NAV2: variants seen among roughly 807,000 people sequenced by gnomAD.
NAV2 encodes the protein helicase, APC down-regulated 1.
A neutral mutation model predicts 223.2 loss-of-function variants in NAV2; 54 were observed. That is an observed-to-expected ratio of 0.24 (90% confidence interval 0.19 to 0.30). The LOEUF (loss-of-function observed/expected upper bound fraction) is 0.30. Ranked by LOEUF, NAV2 falls within the 10% of genes least tolerant of loss-of-function variation. The probability of loss-of-function intolerance (pLI) is 1.00; values close to 1 mark genes in which losing one functional copy is unlikely to be tolerated. For synonymous variants in NAV2, 1,279 were observed against 1,239.3 expected (o/e 1.03, Z -0.67); for missense variants, 2,806 against 3,147.5 (o/e 0.89, Z 2.60).
chr11:19,804,573 T>C (rs1389561266), intron 1 of NAV2, among the ~76,000 whole-genome samples: 2 of 152,202 alleles, frequency 1.3e-5, no homozygotes, highest in East Asian at 3.8e-4. Flanking sequence ...TGAATGACAA[T>C]GACATAGTGG....
intron 26 of NAV2, among the ~76,000 whole-genome samples, chr11:20,087,603 A>G (rs2060539585): frequency 1.3e-5 from 2 of 152,198 alleles, no homozygotes. Context: ...GACTGTGGAC[A>G]AGACAGTGGA....
chr11:20,057,355 C>T (rs1191292378), intron 19 of NAV2, among the ~76,000 whole-genome samples: 1 of 151,992 alleles, frequency 6.6e-6, no homozygotes, highest in African/African-American at 2.4e-5. Context: ...TACTTTGCAC[C>T]CTGATTTATG....
At chr11:19,837,071 C>T (rs2060276594) in intron 2 of NAV2, among the ~76,000 whole-genome samples, 1 of 152,078 alleles carries the variant, frequency 6.6e-6, no homozygotes, top group African/African-American at 2.4e-5. Flanking sequence ...ACATTCAGAC[C>T]ACAGCAGCTC....
At chr11:19,591,102 T>C (rs1428368814) in intron 1 of NAV2, 10 of 152,240 alleles carry the variant, frequency 6.6e-5, no homozygotes, top group African/African-American at 2.4e-4. Context: ...TTCTTTAATA[T>C]TTTTCTAATG....
chr11:19,724,888 C>G (rs2051106918), intron 1 of NAV2, among the ~76,000 whole-genome samples: 1 of 152,186 alleles, frequency 6.6e-6, no homozygotes, highest in Non-Finnish European at 1.5e-5. Context: ...GGAATCTCAC[C>G]TTCCTAATGC....
chr11:19,532,818 G>A (rs562822892), intron 1 of NAV2, among the ~76,000 whole-genome samples: 1 of 152,338 alleles, frequency 6.6e-6, no homozygotes, highest in Admixed American at 6.5e-5. Flanking sequence ...CCACATACAA[G>A]GGGAAGATAG....
chr11:19,829,957 T>C (rs2059839095), intron 1 of NAV2, among the ~76,000 whole-genome samples: 1 of 152,208 alleles, frequency 6.6e-6, no homozygotes, highest in Non-Finnish European at 1.5e-5. Context: ...CCGGGTGCGG[T>C]GGCTCACGCC....
rs1039631463 is a variant in NAV2 at position 20,119,925 on chromosome 11, T to G, written c.*1667T>G. On this transcript the variant is annotated 3_prime_UTR_variant, in exon 38 of 38. Coordinates refer to ENST00000349880, the MANE Select transcript of NAV2 (RefSeq NM_145117.5). ...AGGAGAAGGCAAAAGTTTCTACAAGTCTACATGACCTTGCTGATACTTGTT... is the reference window on the plus strand; with the variant it reads ...AGGAGAAGGCAAAAGTTTCTACAAGGCTACATGACCTTGCTGATACTTGTT... 1.2e-4 allele frequency: 18 copies of G among 152,196 alleles called. No individual in the cohort carries two copies. Among genetic ancestry groups the G allele is most frequent in the African/African-American group, 4.3e-4 (18 of 41,452 alleles). The allele number at this position is 152,196 out of a possible 1,614,324, so 9.4% of individuals were successfully genotyped here.
chr11:19,895,559 TTGGGGAGGTC>T (rs1476592583), intron 6 of NAV2, among the ~76,000 whole-genome samples: 1 of 152,174 alleles, frequency 6.6e-6, no homozygotes, highest in Non-Finnish European at 1.5e-5. Context: ...CTTCCTGTCC[TTGGGGAGGTC>T]TGTTATGAGG....
intron 1 of NAV2, among the ~76,000 whole-genome samples, chr11:19,463,088 A>G (rs745784652): frequency 6.6e-6 from 1 of 152,244 alleles, no homozygotes. Context: ...TGAGCCATTT[A>G]CCAAATTATT....
chr11:19,377,529 G>C (rs1451773919), intron 1 of NAV2, among the ~76,000 whole-genome samples: 2 of 152,188 alleles, frequency 1.3e-5, no homozygotes, highest in Non-Finnish European at 2.9e-5. Flanking sequence ...TTGGCCATAG[G>C]CTCCTTGGGG....
At chr11:19,562,057 C>T (rs1207913475) in intron 1 of NAV2, among the ~76,000 whole-genome samples, 2 of 152,230 alleles carry the variant, frequency 1.3e-5, no homozygotes, top group African/African-American at 2.4e-5. Flanking sequence ...CTCGTGCCTC[C>T]ACACTGCATT....
intron 1 of NAV2, among the ~76,000 whole-genome samples, chr11:19,570,682 A>G (rs184599080): frequency 6.6e-6 from 1 of 152,358 alleles, no homozygotes; most frequent in Admixed American, 6.5e-5. Context: ...GCACATGGAA[A>G]GATGCTAACA....
At chr11:19,664,563 A>G (rs1194969472) in intron 1 of NAV2, among the ~76,000 whole-genome samples, 1 of 152,212 alleles carries the variant, frequency 6.6e-6, no homozygotes, top group Non-Finnish European at 1.5e-5. Flanking sequence ...GACTACAGAC[A>G]TGAGTTTCCC....
At chr11:19,702,652 C>T (rs889455926) in intron 1 of NAV2, among the ~76,000 whole-genome samples, 1 of 151,956 alleles carries the variant, frequency 6.6e-6, no homozygotes, top group Non-Finnish European at 1.5e-5. Flanking sequence ...GTGGTGCATG[C>T]CTATAGTCCC....
intron 1 of NAV2, among the ~76,000 whole-genome samples, chr11:19,823,793 A>G (rs1452121995): frequency 2.0e-5 from 3 of 152,192 alleles, no homozygotes; most frequent in Admixed American, 6.5e-5. Context: ...TAGGGGAAGG[A>G]TAACATTAGA....
At chr11:19,447,490 G>T (rs1590219138) in intron 1 of NAV2, among the ~76,000 whole-genome samples, 2 of 152,284 alleles carry the variant, frequency 1.3e-5, no homozygotes, top group South Asian at 4.1e-4. Context: ...TCAGCTTCCT[G>T]CTGTGGAAAG....
intron 1 of NAV2, among the ~76,000 whole-genome samples, chr11:19,498,860 T>C (rs536011571): frequency 6.6e-6 from 1 of 152,342 alleles, no homozygotes; most frequent in East Asian, 1.9e-4. Context: ...TGTACAAAGC[T>C]TTGTTCAGCC....
chr11:19,744,727 T>C (rs2053187754), intron 1 of NAV2, among the ~76,000 whole-genome samples: 1 of 152,188 alleles, frequency 6.6e-6, no homozygotes, highest in Non-Finnish European at 1.5e-5. Flanking sequence ...TTCAAATACA[T>C]CTATCCTTTC....
Sources: gnomAD v4.1 joint callset for allele counts (sites outside exome capture counted in the v4.1 genomes callset) on GRCh38, gnomAD v4.1.1 for gene constraint, MANE v1.5 for transcripts, NCBI Gene and HGNC (gene_info 2026-07-23, HGNC 2026-07-21) for gene names.